MTA3: variants seen among roughly 807,000 people sequenced by gnomAD.
The protein encoded by MTA3 is metastasis-associated protein MTA3.
In MTA3, 34 loss-of-function variants were observed where a neutral mutation model predicts 83.5. The ratio of observed to expected loss-of-function variants is 0.41; its 90% CI spans 0.31 to 0.54. The LOEUF (loss-of-function observed/expected upper bound fraction) is 0.54, where lower values mean the gene tolerates loss of function less well. MTA3 is among the 20% of genes least tolerant of loss of function. The probability of loss-of-function intolerance (pLI) is 0.33; values close to 1 mark genes in which losing one functional copy is unlikely to be tolerated. For synonymous variants in MTA3, 303 were observed against 252.7 expected (o/e 1.20, Z -1.89); for missense variants, 761 against 726.4 (o/e 1.05, Z -0.55).
chr2:42,558,282 C>T (rs1235583677), intron 2 of MTA3, among the ~76,000 whole-genome samples: 4 of 145,866 alleles, frequency 2.7e-5, no homozygotes, highest in African/African-American at 1.0e-4. Flanking sequence ...GCTCTTGGTA[C>T]CCAGGCTGGA....
At chr2:42,588,802 TTATACATA>T (rs1356983047) in intron 3 of MTA3, among the ~76,000 whole-genome samples, 1 of 64,108 alleles carries the variant, frequency 1.6e-5, no homozygotes, top group African/African-American at 8.7e-5. Context: ...CATGTATGTA[TTATACATA>T]TATATATATG....
chr2:42,587,525 A>G lies in MTA3; in HGVS notation c.190+8325A>G, dbSNP rs76898320. Reference sequence around the variant, plus strand: ...ATACACACGTTCTTTCCTTTGCAATATTTTTTTTCAAAAATGGTAGCAGAA... The same window carrying G: ...ATACACACGTTCTTTCCTTTGCAATGTTTTTTTTCAAAAATGGTAGCAGAA... On this transcript the variant is annotated intron_variant, in intron 3 of 16. Coordinates refer to ENST00000405094, the MANE Select transcript of MTA3 (RefSeq NM_001330442.2). Among the ~76,000 whole-genome samples, 581 of 151,806 alleles carry G rather than the reference A, an allele frequency of 3.8e-3. 4 individuals carry two copies. The highest frequency in any genetic ancestry group is 0.013 in the African/African-American group (551 of 41,392).
At chr2:42,502,918 C>T (rs575790260) in intron 2 of MTA3, among the ~76,000 whole-genome samples, 137 of 150,994 alleles carry the variant, frequency 9.1e-4, no homozygotes, top group Non-Finnish European at 1.6e-4. Context: ...GCTGAGATCG[C>T]ACCACTGCAG....
intron 2 of MTA3, among the ~76,000 whole-genome samples, chr2:42,548,824 T>TA (rs1676892008): frequency 5.7e-5 from 1 of 17,682 alleles, no homozygotes; most frequent in African/African-American, 1.5e-4. Context: ...TATATATATA[T>TA]ATATAATATA....
At chr2:42,556,587 C>T (rs1370986937) in intron 2 of MTA3, among the ~76,000 whole-genome samples, 1 of 152,192 alleles carries the variant, frequency 6.6e-6, no homozygotes, top group Admixed American at 6.6e-5. Flanking sequence ...TCCCTCAAGT[C>T]TCCCAGCCTG....
At chr2:42,591,745 G>C (rs1272307813) in intron 3 of MTA3, among the ~76,000 whole-genome samples, 1 of 152,060 alleles carries the variant, frequency 6.6e-6, no homozygotes, top group Non-Finnish European at 1.5e-5. Flanking sequence ...CCGCCTTCCA[G>C]GTTCAAGCAA....
intron 4 of MTA3, among the ~76,000 whole-genome samples, chr2:42,634,027 C>A (rs10211285): frequency 0.75 from 114,652 of 152,082 alleles, 43,589 homozygotes; most frequent in South Asian, 0.88. Flanking sequence ...TCCCAGGGAC[C>A]TTTGACAATT....
intron 3 of MTA3, among the ~76,000 whole-genome samples, chr2:42,594,475 T>C (rs1681447242): frequency 6.6e-6 from 1 of 150,384 alleles, no homozygotes; most frequent in Admixed American, 6.7e-5. Context: ...TGACCTCAGG[T>C]GATCCACCCA....
intron 14 of MTA3, among the ~76,000 whole-genome samples, chr2:42,713,043 C>T (rs1666754318): frequency 6.6e-6 from 1 of 152,200 alleles, no homozygotes; most frequent in Non-Finnish European, 1.5e-5. Context: ...ACTCAGGATC[C>T]TCACAGACTG....
intron 2 of MTA3, among the ~76,000 whole-genome samples, chr2:42,504,669 T>A (rs1164316135): frequency 6.6e-6 from 1 of 151,934 alleles, no homozygotes; most frequent in Non-Finnish European, 1.5e-5. Context: ...AGCTTGCTTT[T>A]TTTTTTTTGT....
At position 42,753,874 on chromosome 2, in the gene MTA3, G is replaced by A. The variant is rs954970331; in HGVS notation, c.*475G>A. The stretch of plus-strand genomic sequence containing the variant: ...TGGATTTTTCTTAAGAAATGCGCCA[G>A]TGTTTATGAGGTTCAAGGTATTTCC... On this transcript the variant is annotated 3_prime_UTR_variant, in exon 17 of 17. Coordinates refer to ENST00000405094, the MANE Select transcript of MTA3 (RefSeq NM_001330442.2). 7.1e-6 allele frequency: 7 copies of A among 989,444 alleles called. No individual in the cohort carries two copies. The African/African-American group carries it at 1.0e-4, about 15-fold the overall frequency. The allele number at this position is 989,444 out of a possible 1,614,324, so 61.3% of individuals were successfully genotyped here. A position where few individuals can be genotyped will look rare whatever the true frequency, so the allele number is the denominator to read the frequency against.
chr2:42,610,464 C>G (rs914709641), intron 4 of MTA3, among the ~76,000 whole-genome samples: 1 of 152,186 alleles, frequency 6.6e-6, no homozygotes, highest in Admixed American at 6.5e-5. Flanking sequence ...GGTTCTCTAA[C>G]ATGGACCACC....
chr2:42,662,190 T>C (rs1263327566), intron 8 of MTA3, among the ~76,000 whole-genome samples: 1 of 152,166 alleles, frequency 6.6e-6, no homozygotes, highest in African/African-American at 2.4e-5. Context: ...TTATGTATTC[T>C]GTTACCAGGG....
At chr2:42,624,077 A>G (rs866712838) in intron 4 of MTA3, among the ~76,000 whole-genome samples, 19 of 152,108 alleles carry the variant, frequency 1.2e-4, no homozygotes, top group African/African-American at 4.6e-4. Flanking sequence ...AAGAGACAGA[A>G]AGATGGTGAT....
intron 4 of MTA3, among the ~76,000 whole-genome samples, chr2:42,627,468 TC>T (rs1440204458): frequency 6.6e-6 from 1 of 152,218 alleles, no homozygotes; most frequent in South Asian, 2.1e-4. Context: ...AGTCTTTTCT[TC>T]TTAGTCTTTC....
At chr2:42,702,457 G>C (rs1427139639) in intron 11 of MTA3, 1 of 152,192 alleles carries the variant, frequency 6.6e-6, no homozygotes. Flanking sequence ...TTACAAACCA[G>C]GCTTTAACAG....
chr2:42,502,099 G>A (rs1020622361), intron 2 of MTA3, among the ~76,000 whole-genome samples: 8 of 151,636 alleles, frequency 5.3e-5, no homozygotes, highest in African/African-American at 1.9e-4. Context: ...ATCAATACAT[G>A]GAGGCCATAC....
At chr2:42,569,044 A>G (rs888824314) in intron 1 of MTA3, among the ~76,000 whole-genome samples, 11 of 151,698 alleles carry the variant, frequency 7.3e-5, no homozygotes, top group African/African-American at 2.7e-4. Context: ...GGTACGAATT[A>G]CCAGACACCC....
At chr2:42,634,244 G>A (rs1173415623) in intron 4 of MTA3, among the ~76,000 whole-genome samples, 1 of 152,190 alleles carries the variant, frequency 6.6e-6, no homozygotes, top group Non-Finnish European at 1.5e-5. Flanking sequence ...CCTTGGTGTG[G>A]TAGTCATGGA....
Sources: allele counts gnomAD v4.1 joint callset (sites outside exome capture counted in the v4.1 genomes callset), GRCh38; gene constraint gnomAD v4.1.1; transcripts MANE v1.5; gene names NCBI Gene and HGNC (gene_info 2026-07-23, HGNC 2026-07-21).